The following CBLIF variants were observed in gnomAD, a reference collection of about 807,000 sequenced individuals.
CBLIF encodes the protein cobalamin binding intrinsic factor.
Under a neutral mutation model 44.9 loss-of-function variants are expected in CBLIF, and 24 were observed. The observed-to-expected ratio is 0.53, with a 90% CI of 0.39 to 0.75. The LOEUF (loss-of-function observed/expected upper bound fraction) is 0.75, where lower values mean the gene tolerates loss of function less well. Among genes scored for constraint, CBLIF ranks in the 30% least tolerant of loss-of-function variants. The probability of loss-of-function intolerance (pLI) is 0.00; values close to 1 mark genes in which losing one functional copy is unlikely to be tolerated. For missense variants in CBLIF, 481 were observed against 513.0 expected (o/e 0.94, Z 0.60); for synonymous variants, 183 against 190.9 (o/e 0.96, Z 0.34).
chr11:59,838,698 C>T (rs191350664), intron 5 of CBLIF, among the ~76,000 whole-genome samples: 15 of 152,106 alleles, frequency 9.9e-5, no homozygotes, highest in Non-Finnish European at 1.6e-4. Flanking sequence ...GTCATATGCA[C>T]CTCCCAAATT....
At position 59,842,537 on chromosome 11, in the gene CBLIF, G is replaced by A; in HGVS notation, c.417C>T (p.Ile139=). The part of the protein sequence containing the change: ...ASAFYGPSLA[I]LALCQKNSEA... ...CAGAGTTCTTCTGGCACAGTGCCAA[G>A]ATCGCTAGACTGGGCCCATAGAAGG... The change falls in exon 4 of 9, where the codon ATC becomes ATT. Residue 139 remains isoleucine (I), a synonymous_variant. Transcript: ENST00000257248. The A allele has an allele frequency of 1.9e-6, 3 of 1,613,998 alleles. No individual in the cohort carries two copies. Among genetic ancestry groups the A allele is most frequent in the Non-Finnish European group, 2.5e-6 (3 of 1,179,982 alleles).
chr11:59,837,054 G>T, intron 6 of CBLIF, 120 bp downstream of exon 6: 1 of 809,710 alleles, frequency 1.2e-6, no homozygotes, highest in Non-Finnish European at 2.2e-6. Context: ...GGAGTCAGAT[G>T]TACTCTGCCC....
intron 3 of CBLIF, 65 bp from the exon 4 acceptor site, chr11:59,842,648 A>C: frequency 2.0e-6 from 3 of 1,536,978 alleles, no homozygotes; most frequent in Non-Finnish European, 2.7e-6. Flanking sequence ...TTTGCAAAGA[A>C]GGAAAAGCCA....
intron 7 of CBLIF, among the ~76,000 whole-genome samples, 168 bp from the exon 8 acceptor site, chr11:59,831,964 C>T (rs899384653): frequency 6.6e-6 from 1 of 152,124 alleles, no homozygotes; most frequent in Non-Finnish European, 1.5e-5. Flanking sequence ...ATGGCAGCCT[C>T]AAAATCCTGG....
chr11:59,833,197 A>G (rs1428932254), intron 7 of CBLIF, among the ~76,000 whole-genome samples: 2 of 152,240 alleles, frequency 1.3e-5, no homozygotes, highest in Non-Finnish European at 2.9e-5. Flanking sequence ...GAAGTAAAGT[A>G]CGGTATATTC....
chr11:59,838,324 C>T (rs1484524570), intron 5 of CBLIF, among the ~76,000 whole-genome samples: 1 of 152,016 alleles, frequency 6.6e-6, no homozygotes, highest in Non-Finnish European at 1.5e-5. Flanking sequence ...GAGTCATTTG[C>T]GGTTCCAAGG....
rs1335987883 is a variant in CBLIF at position 59,831,586 on chromosome 11, A to G, written c.1192+92T>C. On this transcript the variant is annotated intron_variant, in intron 8 of 8. Coordinates refer to ENST00000257248, the MANE Select transcript of CBLIF (RefSeq NM_005142.3). The stretch of plus-strand genomic sequence containing the variant: ...CACATGATCTCATAATTATTAATTA[A>G]GTGAATGAATGAATAAATTAAATGA... 5.5e-6 allele frequency: 4 copies of G among 725,560 alleles called. No individual in the cohort carries two copies. The East Asian group carries it at 1.1e-4, about 20-fold the overall frequency. The allele number at this position is 725,560 out of a possible 1,614,324, so 44.9% of individuals were successfully genotyped here.
chr11:59,841,036 A>T, intron 5 of CBLIF, 107 bp downstream of exon 5: 1 of 856,686 alleles, frequency 1.2e-6, no homozygotes. Flanking sequence ...ATCTCAGGTC[A>T]TACTAGCTGG....
intron 4 of CBLIF, among the ~76,000 whole-genome samples, chr11:59,841,959 G>A (rs1299244375): frequency 6.6e-6 from 1 of 152,164 alleles, no homozygotes; most frequent in Non-Finnish European, 1.5e-5. Flanking sequence ...ACGCAAGGTG[G>A]TCCCCGAGTT....
intron 8 of CBLIF, among the ~76,000 whole-genome samples, chr11:59,830,576 A>C (rs1172361684): frequency 6.6e-6 from 1 of 152,086 alleles, no homozygotes; most frequent in African/African-American, 2.4e-5. Flanking sequence ...GTAGGTGTGT[A>C]TGTTTATGGG....
intron 7 of CBLIF, among the ~76,000 whole-genome samples, chr11:59,834,286 T>C (rs1283800713): frequency 7.1e-6 from 1 of 140,756 alleles, no homozygotes; most frequent in African/African-American, 2.7e-5. Flanking sequence ...CTTTCTTTCT[T>C]TCTTTCTTTC....
In CBLIF at chr11:59,829,320, C is replaced by G. The variant is rs1866336681; in HGVS notation, c.*164G>C. 1.6e-6 allele frequency: 1 copy of G among 637,726 alleles called. No homozygotes were observed. Among genetic ancestry groups the G allele is most frequent in the Admixed American group, 2.2e-5 (1 of 45,410 alleles). The allele number at this position is 637,726 out of a possible 1,614,324, so 39.5% of individuals were successfully genotyped here. A position where few individuals can be genotyped will look rare whatever the true frequency, so the allele number is the denominator to read the frequency against. On this transcript the variant is annotated 3_prime_UTR_variant, in exon 9 of 9. Coordinates refer to ENST00000257248, the MANE Select transcript of CBLIF (RefSeq NM_005142.3). ...TTCATGAGTCATAGATGTTGAGACT[C>G]CAGTGAACTTTGCATTTTTATTCTA...
At chr11:59,832,188 G>A (rs911956921) in intron 7 of CBLIF, among the ~76,000 whole-genome samples, 2 of 152,164 alleles carry the variant, frequency 1.3e-5, no homozygotes, top group African/African-American at 4.8e-5. Flanking sequence ...AATGGACATG[G>A]ATGGAGGCCA....
At position 59,842,675 on chromosome 11, in the gene CBLIF, A is replaced by ACC. The variant is rs1866553147; in HGVS notation, c.371-93_371-92insGG. 29 of 1,340,192 alleles carry ACC rather than the reference A, an allele frequency of 2.2e-5. No homozygotes were observed. In the South Asian group the frequency reaches 3.4e-4, roughly 16 times the overall value. The allele number at this position is 1,340,192 out of a possible 1,614,324, so 83.0% of individuals were successfully genotyped here. On this transcript the variant is annotated intron_variant, in intron 3 of 8. Transcript: ENST00000257248. ...GAAAAGCCAAGCCTTTGAAAAGGAA[A>ACC]TTGCTAGAAAACCTGCCCCCAAAGA...
rs759777374 is a variant in CBLIF at position 59,841,124 on chromosome 11, G to A, written c.693+19C>T. 3.7e-5 allele frequency: 59 copies of A among 1,591,730 alleles called. No homozygotes were observed. The highest frequency in any genetic ancestry group is 4.9e-5 in the Non-Finnish European group (57 of 1,159,634). On this transcript the variant is annotated intron_variant, in intron 5 of 8. Transcript: ENST00000257248. The stretch of plus-strand genomic sequence containing the variant: ...CTTATTGGCAGGAACCCAACCAAGA[G>A]CATCCAGCACGTGTTTACCTGCATG...
chr11:59,837,078 G>A, intron 6 of CBLIF, 96 bp downstream of exon 6: 1 of 944,752 alleles, frequency 1.1e-6, no homozygotes. Context: ...TGGGAATAAT[G>A]GACATTACAA....
At chr11:59,841,849 A>G (rs1361486147) in intron 4 of CBLIF, among the ~76,000 whole-genome samples, 2 of 152,210 alleles carry the variant, frequency 1.3e-5, no homozygotes, top group African/African-American at 4.8e-5. Flanking sequence ...TGGCCCCCAC[A>G]GAGAAGGATC....
chr11:59,834,922 T>C (rs186985623), intron 7 of CBLIF, among the ~76,000 whole-genome samples: 1 of 152,252 alleles, frequency 6.6e-6, no homozygotes, highest in African/African-American at 2.4e-5. Context: ...ATTGGAGTCA[T>C]GTCCTATGTT....
In CBLIF at chr11:59,835,836, C is replaced by T. The variant is rs1475314626; in HGVS notation, c.1045G>A (p.Glu349Lys). 7 of 1,613,968 alleles carry T rather than the reference C, an allele frequency of 4.3e-6. No homozygotes were observed. Among genetic ancestry groups the T allele is most frequent in the Non-Finnish European group, 5.9e-6 (7 of 1,179,818 alleles). The change falls in exon 7 of 9, where the codon GAA becomes AAA. Residue 349 changes from glutamate to lysine, a missense_variant. Glu to Lys is a moderately conservative substitution (Grantham distance 56). Coordinates refer to ENST00000257248, the MANE Select transcript of CBLIF (RefSeq NM_005142.3). ...AACATAGGATTTTTGCGCTGTGCTT[C>T]CTCTAGGACAACAAGTAACACTGAC... ...SGSVLLVVLE[E>K]AQRKNPMFKF...
Sources: gnomAD v4.1 joint callset for allele counts (sites outside exome capture counted in the v4.1 genomes callset) on GRCh38, gnomAD v4.1.1 for gene constraint, MANE v1.5 for transcripts, NCBI Gene and HGNC (gene_info 2026-07-23, HGNC 2026-07-21) for gene names.